Variants in TMEM178B observed in about 807,000 individuals in gnomAD.
The protein encoded by TMEM178B is transmembrane protein 178B.
A neutral mutation model predicts 31.0 loss-of-function variants in TMEM178B; 5 were observed. The ratio of observed to expected loss-of-function variants is 0.16; its 90% CI spans 0.08 to 0.34. The LOEUF is 0.34. Among genes scored for constraint, TMEM178B ranks in the 10% least tolerant of loss-of-function variants. The pLI, the probability that TMEM178B is intolerant of heterozygous loss-of-function variation, is 1.00. For synonymous variants in TMEM178B, 164 were observed against 164.0 expected, an observed-to-expected ratio of 1.00 and a Z score of 0.00; for missense variants, 275 against 400.3, an observed-to-expected ratio of 0.69 and a Z score of 2.67.
intron 2 of TMEM178B, among the ~76,000 whole-genome samples, chr7:141,337,527 T>C (rs1799445162): frequency 6.6e-6 from 1 of 152,180 alleles, no homozygotes; most frequent in Non-Finnish European, 1.5e-5. Flanking sequence ...CATTTTTCAG[T>C]ATTATTAGCT....
intron 2 of TMEM178B, among the ~76,000 whole-genome samples, chr7:141,372,074 C>A (rs1800127362): frequency 6.6e-6 from 1 of 152,186 alleles, no homozygotes; most frequent in Non-Finnish European, 1.5e-5. Context: ...GAGTTGCCTT[C>A]TCCTCACTGG....
intron 1 of TMEM178B, among the ~76,000 whole-genome samples, chr7:141,193,186 G>A (rs558827189): frequency 3.3e-5 from 5 of 152,284 alleles, no homozygotes; most frequent in Admixed American, 3.3e-4. Context: ...TCTTGGCTGC[G>A]CTTTTGGGAT....
In TMEM178B at chr7:141,475,100, A is replaced by G. The variant is rs1317073996; in HGVS notation, c.*4314A>G. The G allele has an allele frequency of 6.6e-6, 1 of 152,276 alleles. No individual in the cohort carries two copies. The highest frequency in any genetic ancestry group is 1.5e-5 in the Non-Finnish European group (1 of 68,074). The allele number at this position is 152,276 out of a possible 1,614,324, so 9.4% of individuals were successfully genotyped here. The stretch of plus-strand genomic sequence containing the variant: ...CACATCCATCCCAGGGGACACAGCC[A>G]GCCCTTTCCAGGGAAATACGATGTT... On this transcript the variant is annotated 3_prime_UTR_variant, in exon 4 of 4. Coordinates refer to ENST00000565468, the MANE Select transcript of TMEM178B (RefSeq NM_001195278.2).
intron 1 of TMEM178B, among the ~76,000 whole-genome samples, chr7:141,188,828 G>A (rs1796652755): frequency 6.6e-6 from 1 of 152,210 alleles, no homozygotes; most frequent in Non-Finnish European, 1.5e-5. Context: ...TTGAAGATAA[G>A]CCTGGAGAGA....
chr7:141,297,622 T>C (rs1165754790), intron 2 of TMEM178B, among the ~76,000 whole-genome samples: 8 of 152,178 alleles, frequency 5.3e-5, no homozygotes, highest in Admixed American at 5.2e-4. Context: ...TTTTCTGTCC[T>C]TGCGATAGTT....
intron 1 of TMEM178B, among the ~76,000 whole-genome samples, chr7:141,089,526 T>C (rs561680529): frequency 6.6e-6 from 1 of 152,316 alleles, no homozygotes; most frequent in East Asian, 1.9e-4. Flanking sequence ...ACCCAAAGGA[T>C]TATAAATCAT....
intron 2 of TMEM178B, among the ~76,000 whole-genome samples, chr7:141,424,222 G>A (rs536455208): frequency 6.6e-6 from 1 of 152,240 alleles, no homozygotes; most frequent in African/African-American, 2.4e-5. Flanking sequence ...AGGGAACCAG[G>A]CACACGTCAC....
intron 2 of TMEM178B, among the ~76,000 whole-genome samples, chr7:141,271,341 C>A (rs1005852069): frequency 2.6e-5 from 4 of 152,150 alleles, no homozygotes; most frequent in African/African-American, 9.7e-5. Flanking sequence ...AATGAGGGGG[C>A]AAAGATTGTA....
intron 1 of TMEM178B, among the ~76,000 whole-genome samples, chr7:141,152,921 TATTTA>T (rs1796000620): frequency 6.6e-6 from 1 of 152,274 alleles, no homozygotes; most frequent in African/African-American, 2.4e-5. Flanking sequence ...GAGATTATTT[TATTTA>T]ATTCTAGGAG....
At chr7:141,119,056 GGGA>G (rs1236057612) in intron 1 of TMEM178B, among the ~76,000 whole-genome samples, 1 of 152,166 alleles carries the variant, frequency 6.6e-6, no homozygotes, top group East Asian at 1.9e-4. Flanking sequence ...CCTGAAACAA[GGGA>G]GGAGGAGGAC....
intron 2 of TMEM178B, among the ~76,000 whole-genome samples, chr7:141,349,088 T>G (rs1172393449): frequency 6.6e-6 from 1 of 152,252 alleles, no homozygotes; most frequent in Non-Finnish European, 1.5e-5. Flanking sequence ...TTCTGCACTT[T>G]ATTTAGTAGC....
chr7:141,425,205 G>A (rs541855350), intron 2 of TMEM178B, among the ~76,000 whole-genome samples: 1 of 152,096 alleles, frequency 6.6e-6, no homozygotes, highest in Non-Finnish European at 1.5e-5. Context: ...CAAATCCTTT[G>A]CCATCAGCCA....
intron 1 of TMEM178B, among the ~76,000 whole-genome samples, chr7:141,183,069 G>A (rs997973130): frequency 6.6e-6 from 1 of 152,230 alleles, no homozygotes; most frequent in African/African-American, 2.4e-5. Flanking sequence ...AGAATCATAT[G>A]TGCTTGAATG....
chr7:141,410,325 G>A (rs930924811), intron 2 of TMEM178B, among the ~76,000 whole-genome samples: 7 of 152,116 alleles, frequency 4.6e-5, no homozygotes, highest in Non-Finnish European at 7.4e-5. Context: ...CTGAACAGAC[G>A]CCTTCACAAG....
intron 2 of TMEM178B, among the ~76,000 whole-genome samples, chr7:141,395,351 A>G (rs917504): frequency 0.25 from 37,851 of 152,158 alleles, 4,874 homozygotes; most frequent in Admixed American, 0.28. Context: ...TGAGGCAGGA[A>G]GACCACTTGA....
chr7:141,409,978 T>C (rs1055364091), intron 2 of TMEM178B, among the ~76,000 whole-genome samples: 5 of 152,146 alleles, frequency 3.3e-5, no homozygotes, highest in Non-Finnish European at 7.4e-5. Context: ...CTTGGAGCCA[T>C]CTCTTTGTCT....
chr7:141,209,015 T>A (rs1239821529), intron 1 of TMEM178B, among the ~76,000 whole-genome samples: 4 of 152,196 alleles, frequency 2.6e-5, no homozygotes, highest in Admixed American at 2.6e-4. Context: ...GCAGACCTTC[T>A]GGCAGGGGCA....
At chr7:141,223,722 T>C (rs1299864423) in intron 2 of TMEM178B, among the ~76,000 whole-genome samples, 2 of 152,002 alleles carry the variant, frequency 1.3e-5, no homozygotes, top group African/African-American at 4.8e-5. Context: ...CTGGGGAAGG[T>C]TGGCACAGAA....
chr7:141,176,780 A>G (rs1217798096), intron 1 of TMEM178B, among the ~76,000 whole-genome samples: 1 of 152,116 alleles, frequency 6.6e-6, no homozygotes, highest in Non-Finnish European at 1.5e-5. Flanking sequence ...GGTAGTTTGT[A>G]TTTCTGTGGG....
Sources: allele counts gnomAD v4.1 joint callset (sites outside exome capture counted in the v4.1 genomes callset), GRCh38; gene constraint gnomAD v4.1.1; transcripts MANE v1.5; gene names NCBI Gene and HGNC (gene_info 2026-07-23, HGNC 2026-07-21).